EPHA8: variants seen among roughly 807,000 people sequenced by gnomAD.
EPHA8 encodes the protein EPH receptor A8.
Under a neutral mutation model 103.6 loss-of-function variants are expected in EPHA8, and 58 were observed. The observed-to-expected ratio is 0.56, with a 90% confidence interval of 0.45 to 0.70. The LOEUF (loss-of-function observed/expected upper bound fraction) is 0.70, where lower values mean the gene tolerates loss of function less well. Ranked by LOEUF, EPHA8 falls within the 30% of genes least tolerant of loss-of-function variation. The pLI, the probability that EPHA8 is intolerant of heterozygous loss-of-function variation, is 0.00. For synonymous variants in EPHA8, 559 were observed against 572.5 expected (o/e 0.98, Z 0.34); for missense variants, 1,304 against 1,395.2 (o/e 0.93, Z 1.04).
At chr1:22,583,486 G>T (rs917886995) in intron 3 of EPHA8, among the ~76,000 whole-genome samples, 3 of 152,130 alleles carry the variant, frequency 2.0e-5, no homozygotes, top group Admixed American at 1.3e-4. Context: ...AGGCTCCCCC[G>T]CCTGACTGCA....
chr1:22,602,006 C>T lies in EPHA8; in HGVS notation c.*265C>T, dbSNP rs1641753029. The T allele has an allele frequency of 1.8e-6, 1 of 563,180 alleles. No homozygotes were observed. The allele number at this position is 563,180 out of a possible 1,614,324, so 34.9% of individuals were successfully genotyped here. On this transcript the variant is annotated 3_prime_UTR_variant, in exon 17 of 17. Coordinates refer to ENST00000166244, the MANE Select transcript of EPHA8 (RefSeq NM_020526.5). ...TTTCCAGAGCCTGGGGCCTCCACGT[C>T]ACAGAGTCCAACAGGGACATCACTC...
intron 3 of EPHA8, among the ~76,000 whole-genome samples, chr1:22,580,066 C>T (rs905699978): frequency 2.6e-5 from 4 of 151,590 alleles, no homozygotes; most frequent in African/African-American, 7.3e-5. Flanking sequence ...CCAGGATCTT[C>T]CCTGCAGCCA....
At chr1:22,573,295 C>T (rs926176628) in intron 2 of EPHA8, among the ~76,000 whole-genome samples, 3 of 152,166 alleles carry the variant, frequency 2.0e-5, no homozygotes, top group Non-Finnish European at 4.4e-5. Flanking sequence ...TAGGGCCATT[C>T]GTCAAGGGCC....
rs1218994888 is a variant in EPHA8, at chr1:22,597,018, C to A, written c.1766-294C>A. ...TGGCAAAAACTTATTTTTGCTACAT[C>A]CCTACTCCAGAACAATTTAGAAAGA... On this transcript the variant is annotated intron_variant, in intron 9 of 16. Transcript: ENST00000166244. The surrounding 1 kb of genome is among the most constrained non-coding windows in gnomAD (Gnocchi z 4.6). Among the ~76,000 whole-genome samples, 1 of 152,122 alleles carries A rather than the reference C, an allele frequency of 6.6e-6. No individual in the cohort carries two copies. The highest frequency in any genetic ancestry group is 1.5e-5 in the Non-Finnish European group (1 of 68,030).
At chr1:22,570,258 G>A (rs549945373) in intron 2 of EPHA8, among the ~76,000 whole-genome samples, 8 of 149,336 alleles carry the variant, frequency 5.4e-5, no homozygotes, top group East Asian at 3.9e-4. Flanking sequence ...GCACACACAC[G>A]CACGCATGTA....
rs140375453 is a variant in EPHA8 at position 22,590,419 on chromosome 1, C to T, written c.1315+1213C>T. 1.3e-3 allele frequency among the ~76,000 whole-genome samples: 191 copies of T among 152,270 alleles called. 1 individual carries two copies. In the East Asian group the frequency reaches 0.019, roughly 15 times the overall value. On this transcript the variant is annotated intron_variant, in intron 5 of 16. Coordinates refer to ENST00000166244, the MANE Select transcript of EPHA8 (RefSeq NM_020526.5). ...TACGACCCTCTCTGTCCGTGCCTGG[C>T]GTATCTACTTCTTCCTCTCCTCTGC...
chr1:22,571,984 C>A (rs1467760925), intron 2 of EPHA8, among the ~76,000 whole-genome samples: 1 of 152,110 alleles, frequency 6.6e-6, no homozygotes, highest in Non-Finnish European at 1.5e-5. Flanking sequence ...CTGCAGTGAG[C>A]CACTGTACTC....
intron 1 of EPHA8, among the ~76,000 whole-genome samples, chr1:22,565,077 A>G (rs1432735420): frequency 2.0e-5 from 3 of 152,154 alleles, no homozygotes; most frequent in Admixed American, 1.3e-4. Flanking sequence ...CACACACAGA[A>G]ATGAAGCCAG....
Position 22,603,245 on chromosome 1 carries a change from T to G in EPHA8, c.*1504T>G, listed in dbSNP as rs1641789198. 1 of 148,932 alleles carries G rather than the reference T, an allele frequency of 6.7e-6. No individual in the cohort carries two copies. Among genetic ancestry groups the G allele is most frequent in the Non-Finnish European group, 1.5e-5 (1 of 67,186 alleles). The allele number at this position is 148,932 out of a possible 1,614,324, so 9.2% of individuals were successfully genotyped here. A position where few individuals can be genotyped will look rare whatever the true frequency, so the allele number is the denominator to read the frequency against. On this transcript the variant is annotated 3_prime_UTR_variant, in exon 17 of 17. Transcript: ENST00000166244. ...GAGCCCCCTCTCCCTCCTGCAATAA[T>G]TCGGGGAGTCTCAGCCCCATCCAGG...
chr1:22,563,568 G>T lies in EPHA8; in HGVS notation c.-68G>T. The T allele has an allele frequency of 6.8e-6, 1 of 146,052 alleles. No homozygotes were observed. The highest frequency in any genetic ancestry group is 1.9e-4 in the South Asian group (1 of 5,328). 9.0% of individuals were successfully genotyped at this position (146,052 alleles called of 1,614,324 possible). A position where few individuals can be genotyped will look rare whatever the true frequency, so the allele number is the denominator to read the frequency against. ...AGAGCGAGGGAGCGCGCTCCCTCCC[G>T]ACGCGCGGGCCGCAGCGGCCAAGCC... On this transcript the variant is annotated 5_prime_UTR_variant, in exon 1 of 17. Coordinates refer to ENST00000166244, the MANE Select transcript of EPHA8 (RefSeq NM_020526.5). This position sits in a 1 kb window ranked among gnomAD's most constrained non-coding sequence, Gnocchi z 4.4.
At chr1:22,575,796 T>C (rs2124519162) in intron 2 of EPHA8, among the ~76,000 whole-genome samples, 1 of 152,198 alleles carries the variant, frequency 6.6e-6, no homozygotes. Context: ...GTCTGGTTCA[T>C]ATATTAGAAA....
At position 22,598,982 on chromosome 1, in the gene EPHA8, A is replaced by G; in HGVS notation, c.2323A>G (p.Lys775Glu). The stretch of plus-strand genomic sequence containing the variant: ...CCTGGTTGACAGCAACCTGGTCTGC[A>G]AGGTGTCTGACTTCGGGCTCTCACG... ...NVLVDSNLVC[K>E]VSDFGLSRVL... The change falls in exon 13 of 17, where the codon AAG becomes GAG. Residue 775 changes from lysine to glutamate, a missense_variant. Coordinates refer to ENST00000166244, the MANE Select transcript of EPHA8 (RefSeq NM_020526.5). The surrounding 1 kb of genome is among the most constrained non-coding windows in gnomAD (Gnocchi z 5.1). 2 of 1,611,002 alleles carry G rather than the reference A, an allele frequency of 1.2e-6. No individual in the cohort carries two copies. The highest frequency in any genetic ancestry group is 1.7e-6 in the Non-Finnish European group (2 of 1,179,534).
At chr1:22,577,991 A>G (rs796885035) in intron 3 of EPHA8, among the ~76,000 whole-genome samples, 2 of 294 alleles carry the variant, frequency 6.8e-3, no homozygotes, top group Non-Finnish European at 0.011. Context: ...GCATGTGTGC[A>G]TGTACACCTG....
chr1:22,601,010 G>T lies in EPHA8; in HGVS notation c.2651G>T (p.Arg884Leu). 1 of 1,612,856 alleles carries T rather than the reference G, an allele frequency of 6.2e-7. No individual in the cohort carries two copies. The highest frequency in any genetic ancestry group is 1.1e-5 in the South Asian group (1 of 91,082). Residue 884 changes from arginine (R) to leucine (L), a missense_variant, in exon 15 of 17, where the codon CGC (arginine) becomes CTC (leucine). Physicochemically the swap from Arg to Leu is moderately radical, Grantham distance 102 (BLOSUM62 -2). Transcript: ENST00000166244. ...CACAAGGACCGGGCGCAGCGGCCTC[G>T]CTTCTCCCAGATTGTCAGTGTCCTC... is the stretch of plus-strand genomic sequence containing the variant. Reference protein sequence around the residue: ...CWHKDRAQRPRFSQIVSVLDA... With the variant: ...CWHKDRAQRPLFSQIVSVLDA...
intron 13 of EPHA8, among the ~76,000 whole-genome samples, chr1:22,600,062 GGGGATGGAGGGAGGAAGGAA>G (rs1641667618): frequency 9.7e-6 from 1 of 102,692 alleles, no homozygotes; most frequent in Non-Finnish European, 2.0e-5. Flanking sequence ...GGAAGGAAGG[GGGGATGGAGGGAGGAAGGAA>G]GGGAGGGAGG....
In EPHA8 at chr1:22,588,983, C is replaced by T. The variant is rs754525391; in HGVS notation, c.1092C>T (p.Ala364=). 15 of 1,613,136 alleles carry T rather than the reference C, an allele frequency of 9.3e-6. No homozygotes were observed. Among genetic ancestry groups the T allele is most frequent in the African/African-American group, 5.3e-5 (4 of 74,928 alleles). Residue 364 remains alanine (A), a synonymous_variant, in exon 5 of 17, where the codon GCC becomes GCT. Coordinates refer to ENST00000166244, the MANE Select transcript of EPHA8 (RefSeq NM_020526.5). ...PGGRSDITYN[A]VCRRCPWALS... ...GCCGCAGTGACATCACCTACAATGC[C>T]GTGTGCCGCCGCTGCCCCTGGGCAC...
At position 22,598,108 on chromosome 1, in the gene EPHA8, G is replaced by A; in HGVS notation, c.2117-43G>A. 6.2e-7 allele frequency: 1 copy of A among 1,602,722 alleles called. No individual in the cohort carries two copies. Among genetic ancestry groups the A allele is most frequent in the Non-Finnish European group, 8.5e-7 (1 of 1,170,658 alleles). On this transcript the variant is annotated intron_variant, in intron 11 of 16. Coordinates refer to ENST00000166244, the MANE Select transcript of EPHA8 (RefSeq NM_020526.5). This position sits in a 1 kb window ranked among gnomAD's most constrained non-coding sequence, Gnocchi z 5.1. ...CCTGGGGTCTCTGATCAGCAGCCCT[G>A]AGCCCCAAACCAAGAGCCACCCTCT...
rs1435225624 is a variant in EPHA8, at chr1:22,597,136, C to T, written c.1766-176C>T. 6.6e-6 allele frequency among the ~76,000 whole-genome samples: 1 copy of T among 152,150 alleles called. No homozygotes were observed. Among genetic ancestry groups the T allele is most frequent in the African/African-American group, 2.4e-5 (1 of 41,424 alleles). ...GCCCCATAGAAACCCCAGAGCGACT[C>T]CAGAGACCCCACTTTCACTTGGGAA... On this transcript the variant is annotated intron_variant, in intron 9 of 16. Coordinates refer to ENST00000166244, the MANE Select transcript of EPHA8 (RefSeq NM_020526.5). The surrounding 1 kb of genome is among the most constrained non-coding windows in gnomAD (Gnocchi z 4.6).
intron 2 of EPHA8, among the ~76,000 whole-genome samples, chr1:22,574,430 C>A (rs1163508619): frequency 1.3e-5 from 2 of 152,220 alleles, no homozygotes; most frequent in Non-Finnish European, 2.9e-5. Flanking sequence ...GAACTCCGTT[C>A]ATCCTGCAAA....
Sources: allele counts gnomAD v4.1 joint callset (sites outside exome capture counted in the v4.1 genomes callset), GRCh38; gene constraint gnomAD v4.1.1; non-coding constraint Gnocchi (gnomAD v3.1); transcripts MANE v1.5; gene names NCBI Gene and HGNC (gene_info 2026-07-23, HGNC 2026-07-21).